The following STK31 variants were observed in gnomAD, a reference collection of about 807,000 sequenced individuals.
The protein encoded by STK31 is serine/threonine-protein kinase 31.
Under a neutral mutation model 129.7 loss-of-function variants are expected in STK31, and 89 were observed. That is an observed-to-expected ratio of 0.69 (90% CI 0.58 to 0.82). The LOEUF (loss-of-function observed/expected upper bound fraction) is 0.82. STK31 is among the 40% of genes least tolerant of loss of function. The pLI, the probability that STK31 is intolerant of heterozygous loss-of-function variation, is 0.00. For missense variants in STK31, 1,187 were observed against 1,176.4 expected, an observed-to-expected ratio of 1.01 and a Z score of -0.13; for synonymous variants, 448 against 395.3, an observed-to-expected ratio of 1.13 and a Z score of -1.58.
intron 22 of STK31, among the ~76,000 whole-genome samples, chr7:23,805,327 C>T (rs138046278): frequency 0.1 from 15,815 of 152,266 alleles, 1,012 homozygotes; most frequent in East Asian, 0.22. Context: ...CCACCTGCCT[C>T]GGCCTCCCAA....
chr7:23,816,315 A>G (rs1374458352), intron 23 of STK31, among the ~76,000 whole-genome samples: 17 of 152,216 alleles, frequency 1.1e-4, no homozygotes, highest in Non-Finnish European at 2.9e-5. Context: ...AGAGGTTACA[A>G]CTTCACCAAA....
At position 23,786,834 on chromosome 7, in the gene STK31, T is replaced by C; in HGVS notation, c.2401-4T>C. 3.1e-6 allele frequency: 5 copies of C among 1,611,292 alleles called. No individual in the cohort carries two copies. The highest frequency in any genetic ancestry group is 4.2e-6 in the Non-Finnish European group (5 of 1,179,262). On this transcript the variant is annotated splice_region_variant and splice_polypyrimidine_tract_variant and intron_variant, in intron 19 of 23. Coordinates refer to ENST00000355870, the MANE Select transcript of STK31 (RefSeq NM_031414.5). ...GGAGTCACATTCTCTGTTTTGCTTC[T>C]TAGTCTGATCCTATGGCTTATCTGA...
chr7:23,764,136 T>C lies in STK31; in HGVS notation c.1416+1213T>C, dbSNP rs17724449. On this transcript the variant is annotated intron_variant, in intron 11 of 23. Transcript: ENST00000355870. ...ATTTTCTTAATTGGAATTGCATAAATAGTATAAGTTCTTCCAGAATGTTGA... is the reference window on the plus strand; with the variant it reads ...ATTTTCTTAATTGGAATTGCATAAACAGTATAAGTTCTTCCAGAATGTTGA... 4.5e-3 allele frequency among the ~76,000 whole-genome samples: 687 copies of C among 152,322 alleles called. 1 individual carries two copies. The highest frequency in any genetic ancestry group is 7.5e-3 in the Admixed American group (115 of 15,300).
Position 23,786,909 on chromosome 7 carries a change from G to T in STK31, c.2472G>T (p.Met824Ile). The change falls in exon 20 of 24, where the codon ATG becomes ATT. Residue 824 changes from methionine (M) to isoleucine (I), a missense_variant. By Grantham distance (10) the Met-to-Ile change is conservative. Around this residue, in one of 5 missense-constraint regions of STK31, gnomAD observed 975 missense variants for 934.9 expected, o/e 1.04. Coordinates refer to ENST00000355870, the MANE Select transcript of STK31 (RefSeq NM_031414.5). Reference sequence around the variant, plus strand: ...ACCTGAATGCTGTTCAAGCCAACATGCCTTTAAATTCAGAAGTAAGTAAAA... The same window carrying T: ...ACCTGAATGCTGTTCAAGCCAACATTCCTTTAAATTCAGAAGTAAGTAAAA... ...RANLNAVQAN[M>I]PLNSEETLKV... The T allele has an allele frequency of 1.2e-6, 2 of 1,613,722 alleles. No homozygotes were observed. The highest frequency in any genetic ancestry group is 1.7e-6 in the Non-Finnish European group (2 of 1,179,798).
At chr7:23,710,633 C>T (rs1785892445) in intron 1 of STK31, 4 of 1,233,126 alleles carry the variant, frequency 3.2e-6, no homozygotes, top group African/African-American at 3.1e-5. Flanking sequence ...GTTTCAAAAT[C>T]CCTTATAAAA....
At position 23,826,605 on chromosome 7, in the gene STK31, A is replaced by T. The variant is rs555706505; in HGVS notation, c.2830-5531A>T. On this transcript the variant is annotated intron_variant, in intron 23 of 23. Coordinates refer to ENST00000355870, the MANE Select transcript of STK31 (RefSeq NM_031414.5). ...AGCATTTAGCCCATTTACATTTAAG[A>T]TTAATATTGTTATGTGTGAATTTGA... Among the ~76,000 whole-genome samples the T allele has an allele frequency of 9.3e-5, 14 of 150,696 alleles. No homozygotes were observed. In the East Asian group the frequency reaches 2.5e-3, roughly 27 times the overall value.
In STK31 at chr7:23,797,672, A is replaced by G. The variant is rs576844180; in HGVS notation, c.2760+6726A>G. Among the ~76,000 whole-genome samples the G allele has an allele frequency of 1.7e-4, 26 of 152,334 alleles. No individual in the cohort carries two copies. In the South Asian group the frequency reaches 5.2e-3, roughly 30 times the overall value. On this transcript the variant is annotated intron_variant, in intron 22 of 23. Coordinates refer to ENST00000355870, the MANE Select transcript of STK31 (RefSeq NM_031414.5). ...CAGGAGAAAGCGGGAAAGATCTAAA[A>G]TCGACACCCTAACATCACAATTAAA...
chr7:23,795,826 CTTTGT>C (rs1358625753), intron 22 of STK31, among the ~76,000 whole-genome samples: 2 of 152,316 alleles, frequency 1.3e-5, no homozygotes, highest in East Asian at 3.9e-4. Context: ...CCTGTAGCCC[CTTTGT>C]TTTGGCCAAT....
In STK31 at chr7:23,718,109, T is replaced by A. The variant is rs138959073; in HGVS notation, c.249+530T>A. 9.9e-5 allele frequency among the ~76,000 whole-genome samples: 15 copies of A among 152,262 alleles called. No homozygotes were observed. In the East Asian group the frequency reaches 2.9e-3, roughly 29 times the overall value. On this transcript the variant is annotated intron_variant, in intron 4 of 23. Coordinates refer to ENST00000355870, the MANE Select transcript of STK31 (RefSeq NM_031414.5). ...AAGATAGTCAATTTTATGTTATGTA[T>A]AGTTTACTACAGTTAAAAATAGGAA...
intron 22 of STK31, among the ~76,000 whole-genome samples, chr7:23,809,470 C>A (rs1792947777): frequency 6.6e-6 from 1 of 152,104 alleles, no homozygotes. Context: ...TGAGCACTTA[C>A]AAATTACAGT....
intron 22 of STK31, among the ~76,000 whole-genome samples, chr7:23,808,806 T>A (rs147026126): frequency 6.7e-6 from 1 of 150,328 alleles, no homozygotes; most frequent in Non-Finnish European, 1.5e-5. Context: ...CTACTAATAC[T>A]ACGGATGGGA....
intron 15 of STK31, among the ~76,000 whole-genome samples, chr7:23,773,982 T>G (rs1012161124): frequency 6.6e-6 from 1 of 151,092 alleles, no homozygotes; most frequent in Admixed American, 6.6e-5. Flanking sequence ...CTTCCTGTGT[T>G]CAAGTGTTCC....
intron 15 of STK31, among the ~76,000 whole-genome samples, chr7:23,776,813 C>CT (rs1258812671): frequency 6.6e-6 from 1 of 152,060 alleles, no homozygotes. Flanking sequence ...TTTCATGTCT[C>CT]TATCTCCTCC....
At chr7:23,813,309 T>C (rs979339749) in intron 22 of STK31, among the ~76,000 whole-genome samples, 3 of 152,186 alleles carry the variant, frequency 2.0e-5, no homozygotes, top group East Asian at 3.8e-4. Flanking sequence ...TTAGAGAAAT[T>C]ATAATTGTTT....
chr7:23,735,879 T>C lies in STK31; in HGVS notation c.825T>C (p.Asn275=). ...LDLKDENDAG[N]LITFPKESLA... ...TGAAGGATGAAAATGATGCAGGCAA[T>C]CTTATAACATTTCCAAAGTAAGAAT... Residue 275 remains asparagine (N), a synonymous_variant, in exon 7 of 24, where the codon AAT becomes AAC. Coordinates refer to ENST00000355870, the MANE Select transcript of STK31 (RefSeq NM_031414.5). 1 of 1,575,828 alleles carries C rather than the reference T, an allele frequency of 6.3e-7. No homozygotes were observed.
chr7:23,815,167 T>C lies in STK31; in HGVS notation c.2784T>C (p.Phe928=), dbSNP rs775078088. ...LLWLSVQNQE[F]EINKDGIPKV... The stretch of plus-strand genomic sequence containing the variant: ...AGCTTTCTGTTCAAAATCAGGAGTT[T>C]GAGATAAATAAAGATGGAATCCCCA... The change falls in exon 23 of 24, where the codon TTT becomes TTC. Residue 928 remains phenylalanine, a synonymous_variant. Coordinates refer to ENST00000355870, the MANE Select transcript of STK31 (RefSeq NM_031414.5). 6.3e-7 allele frequency: 1 copy of C among 1,599,222 alleles called. No individual in the cohort carries two copies. The highest frequency in any genetic ancestry group is 1.1e-5 in the South Asian group (1 of 88,610).
chr7:23,740,173 C>T (rs943509766), intron 8 of STK31, among the ~76,000 whole-genome samples: 3 of 152,116 alleles, frequency 2.0e-5, no homozygotes, highest in African/African-American at 7.2e-5. Context: ...AACTTCTGGG[C>T]TCAAGCAATC....
chr7:23,747,115 A>G (rs566892634), intron 8 of STK31, among the ~76,000 whole-genome samples: 2 of 152,098 alleles, frequency 1.3e-5, no homozygotes, highest in South Asian at 4.1e-4. Context: ...TTCGTGACAT[A>G]TATTGGTTTG....
chr7:23,722,706 A>C (rs1162932845), intron 4 of STK31: 1 of 152,436 alleles, frequency 6.6e-6, no homozygotes, highest in Non-Finnish European at 1.5e-5. Context: ...AGAGGCAGGC[A>C]GGCCTCCTTG....
Sources: gnomAD v4.1 joint callset for allele counts (sites outside exome capture counted in the v4.1 genomes callset) on GRCh38, gnomAD v4.1.1 for gene constraint, gnomAD v4.1.1 regional missense constraint, MANE v1.5 for transcripts, NCBI Gene and HGNC (gene_info 2026-07-23, HGNC 2026-07-21) for gene names.